EHD2: variants seen among roughly 807,000 people sequenced by gnomAD.
The protein encoded by EHD2 is EH domain-containing protein 2.
A neutral mutation model predicts 41.0 loss-of-function variants in EHD2; 27 were observed. The observed-to-expected ratio is 0.66, with a 90% CI of 0.49 to 0.91. The LOEUF (loss-of-function observed/expected upper bound fraction) is 0.91, where lower values mean the gene tolerates loss of function less well. Among genes scored for constraint, EHD2 ranks in the 40% least tolerant of loss-of-function variants. EHD2 has a pLI of 0.00. For missense variants in EHD2, 673 were observed against 773.9 expected (o/e 0.87, Z 1.55); for synonymous variants, 342 against 341.0 (o/e 1.00, Z -0.03).
rs748098971 is a variant in EHD2, at chr19:47,741,182, C to T, written c.1382C>T (p.Ala461Val). Residue 461 changes from alanine to valine, a missense_variant, in exon 6 of 6, where the codon GCG (alanine) becomes GTG (valine). Transcript: ENST00000263277. The surrounding 1 kb of genome is among the most constrained non-coding windows in gnomAD (Gnocchi z 4.5). Reference protein sequence around the residue: ...SKYDEIFYNLAPADGKLSGSK... With the variant: ...SKYDEIFYNLVPADGKLSGSK... ...TACGACGAGATCTTCTACAACCTGG[C>T]GCCTGCCGACGGCAAGCTGAGCGGC... 33 of 1,613,722 alleles carry T rather than the reference C, an allele frequency of 2.0e-5. No individual in the cohort carries two copies. Among genetic ancestry groups the T allele is most frequent in the Admixed American group, 1.0e-4 (6 of 60,008 alleles).
At position 47,741,476 on chromosome 19, in the gene EHD2, G is replaced by A; in HGVS notation, c.*44G>A. ...GCCCTGCTGTGGCTCCCCAGCTCCAGTCGGCTGCACGCACACCCCTGCTCC... is the reference window on the plus strand; with the variant it reads ...GCCCTGCTGTGGCTCCCCAGCTCCAATCGGCTGCACGCACACCCCTGCTCC... On this transcript the variant is annotated 3_prime_UTR_variant, in exon 6 of 6. Coordinates refer to ENST00000263277, the MANE Select transcript of EHD2 (RefSeq NM_014601.4). The surrounding 1 kb of genome is among the most constrained non-coding windows in gnomAD (Gnocchi z 4.5). The A allele has an allele frequency of 6.5e-7, 1 of 1,528,294 alleles. No homozygotes were observed. The highest frequency in any genetic ancestry group is 8.8e-7 in the Non-Finnish European group (1 of 1,142,340). The allele number at this position is 1,528,294 out of a possible 1,614,324, so 94.7% of individuals were successfully genotyped here. A position where few individuals can be genotyped will look rare whatever the true frequency, so the allele number is the denominator to read the frequency against.
chr19:47,740,133 C>G (rs527526793), intron 5 of EHD2, among the ~76,000 whole-genome samples: 1 of 152,054 alleles, frequency 6.6e-6, no homozygotes, highest in African/African-American at 2.4e-5. Flanking sequence ...TAGGAGGTTG[C>G]GGTGGGAGGA....
chr19:47,719,839 G>C lies in EHD2; in HGVS notation c.502+1233G>C, dbSNP rs576088603. On this transcript the variant is annotated intron_variant, in intron 3 of 5. Coordinates refer to ENST00000263277, the MANE Select transcript of EHD2 (RefSeq NM_014601.4). The surrounding 1 kb of genome is among the most constrained non-coding windows in gnomAD (Gnocchi z 4.1). Reference sequence around the variant, plus strand: ...TCAGCCAGGGCAGGGGTGCCGGCAGGGGGGTTCAAAGGCCATGGGTGGTGG... The same window carrying C: ...TCAGCCAGGGCAGGGGTGCCGGCAGCGGGGTTCAAAGGCCATGGGTGGTGG... Among the ~76,000 whole-genome samples, 1 of 152,070 alleles carries C rather than the reference G, an allele frequency of 6.6e-6. No homozygotes were observed. The highest frequency in any genetic ancestry group is 2.1e-4 in the South Asian group (1 of 4,822).
intron 5 of EHD2, among the ~76,000 whole-genome samples, chr19:47,739,750 GTT>G (rs553454212): frequency 6.9e-6 from 1 of 145,270 alleles, no homozygotes. Context: ...AGCCTGCTGA[GTT>G]TTTTTTTTTT....
intron 3 of EHD2, among the ~76,000 whole-genome samples, chr19:47,722,741 T>C (rs1973710600): frequency 6.6e-6 from 1 of 152,120 alleles, no homozygotes; most frequent in Non-Finnish European, 1.5e-5. Flanking sequence ...AATTTTTTTG[T>C]ATTTTTAGTG....
intron 5 of EHD2, 113 bp from the exon 6 acceptor site, chr19:47,740,768 A>T: frequency 8.6e-7 from 1 of 1,164,696 alleles, no homozygotes. Flanking sequence ...ACAGTAAAAA[A>T]ACCCCACAAC....
chr19:47,717,130 C>T (rs1973637807), intron 2 of EHD2, 114 bp downstream of exon 2: 8 of 1,355,116 alleles, frequency 5.9e-6, no homozygotes, highest in Non-Finnish European at 8.1e-6. Context: ...TCATGGCAAC[C>T]TCCACCTCCT....
Position 47,726,210 on chromosome 19 carries a change from GC to G in EHD2, c.904del (p.Arg302GlyfsTer13). 1 of 1,522,344 alleles carries G rather than the reference GC, an allele frequency of 6.6e-7. No homozygotes were observed. Among genetic ancestry groups the G allele is most frequent in the Non-Finnish European group, 8.8e-7 (1 of 1,134,460 alleles). 94.3% of individuals were successfully genotyped at this position (1,522,344 alleles called of 1,614,324 possible). ...CAAGCTCAACGACCTGGTGAAGAGG[GC>G]CCGGCTGGTGCGAGTGAGTAGTCCT... ...LRKLNDLVKR[A>X]RLVRVHAYII... On this transcript the variant is annotated frameshift_variant, in exon 4 of 6. Transcript: ENST00000263277. LOFTEE classifies it high-confidence loss of function.
At chr19:47,731,315 AT>A (rs555237028) in intron 4 of EHD2, 17,261 of 67,754 alleles carry the variant, frequency 0.25, 2,709 homozygotes, top group Non-Finnish European at 0.41. Flanking sequence ...TATATATATA[AT>A]TTTTTTTTTT....
intron 3 of EHD2, among the ~76,000 whole-genome samples, chr19:47,722,814 C>T (rs946455674): frequency 2.0e-5 from 3 of 152,080 alleles, no homozygotes; most frequent in East Asian, 1.9e-4. Flanking sequence ...GTGATCCACC[C>T]GCCTCAGCCT....
chr19:47,737,865 T>C (rs1002761772), intron 5 of EHD2, among the ~76,000 whole-genome samples: 25 of 148,392 alleles, frequency 1.7e-4, no homozygotes, highest in South Asian at 4.3e-4. Flanking sequence ...CATGCCACCA[T>C]GCCTGGCTAG....
At chr19:47,722,847 C>T (rs1329241963) in intron 3 of EHD2, among the ~76,000 whole-genome samples, 7 of 152,160 alleles carry the variant, frequency 4.6e-5, no homozygotes, top group Non-Finnish European at 7.3e-5. Flanking sequence ...GGATTGCAGG[C>T]GTGAGCCACC....
intron 4 of EHD2, among the ~76,000 whole-genome samples, chr19:47,728,571 C>CT (rs761204748): frequency 0.22 from 29,012 of 131,066 alleles, 3,611 homozygotes; most frequent in African/African-American, 0.29. Context: ...TTCTTTCTTT[C>CT]TTTTTTTTTT....
rs752828516 is a variant in EHD2 at position 47,741,435 on chromosome 19, C to T, written c.*3C>T. On this transcript the variant is annotated 3_prime_UTR_variant, in exon 6 of 6. Coordinates refer to ENST00000263277, the MANE Select transcript of EHD2 (RefSeq NM_014601.4). This position sits in a 1 kb window ranked among gnomAD's most constrained non-coding sequence, Gnocchi z 4.5. ...GCCACAAGGGCTCCGCCGAGTGAGC[C>T]GGCCCCCCTCCCATGGCCCTGCTGT... 9.0e-6 allele frequency: 14 copies of T among 1,562,660 alleles called. No homozygotes were observed. The highest frequency in any genetic ancestry group is 1.1e-5 in the South Asian group (1 of 87,104).
chr19:47,728,100 T>TAA (rs10672064), intron 4 of EHD2, among the ~76,000 whole-genome samples: 2,151 of 134,380 alleles, frequency 0.016, 113 homozygotes, highest in African/African-American at 0.056. Flanking sequence ...TGTCTCAAAA[T>TAA]AAAAAAAAAA....
intron 4 of EHD2, chr19:47,731,279 A>ATATATATATATAT (rs1555793891): frequency 3.3e-5 from 2 of 60,928 alleles, no homozygotes; most frequent in Non-Finnish European, 7.3e-5. Context: ...AAAAAAAAAA[A>ATATATATATATAT]ATATATATAT....
At chr19:47,732,840 T>C (rs1966884925) in intron 4 of EHD2, among the ~76,000 whole-genome samples, 1 of 152,148 alleles carries the variant, frequency 6.6e-6, no homozygotes, top group South Asian at 2.1e-4. Context: ...TCCCAGCACT[T>C]TGGGGGACCA....
At chr19:47,721,711 G>A (rs926342007) in intron 3 of EHD2, among the ~76,000 whole-genome samples, 3 of 152,008 alleles carry the variant, frequency 2.0e-5, no homozygotes, top group African/African-American at 7.2e-5. Context: ...TGGGCTGGGC[G>A]CAGTGGTTCA....
Position 47,725,938 on chromosome 19 carries a change from A to G in EHD2, c.629A>G (p.His210Arg), listed in dbSNP as rs1568590184. 13 of 1,613,884 alleles carry G rather than the reference A, an allele frequency of 8.1e-6. No individual in the cohort carries two copies. The highest frequency in any genetic ancestry group is 1.3e-5 in the African/African-American group (1 of 74,952). ...GAGGCCATCGGCGCGTTGCGGGGCC[A>G]TGAGGACAAGATCCGCGTGGTGCTC... is the stretch of plus-strand genomic sequence containing the variant. ...FSEAIGALRG[H>R]EDKIRVVLNK... Residue 210 changes from histidine to arginine, a missense_variant, in exon 4 of 6, where the codon CAT (histidine) becomes CGT (arginine). His to Arg is a conservative substitution (Grantham distance 29). Transcript: ENST00000263277.
Sources: allele counts gnomAD v4.1 joint callset (sites outside exome capture counted in the v4.1 genomes callset), GRCh38; gene constraint gnomAD v4.1.1; non-coding constraint Gnocchi (gnomAD v3.1); transcripts MANE v1.5; gene names NCBI Gene and HGNC (gene_info 2026-07-23, HGNC 2026-07-21).